Variants in CNTN4 observed in about 807,000 individuals in gnomAD.
CNTN4 encodes contactin 4, also known as contactin-4.
CNTN4 carries 77 observed loss-of-function variants against 122.5 expected under a neutral mutation model. That is an observed-to-expected ratio of 0.63 (90% CI 0.52 to 0.76). The LOEUF is 0.76. Ranked by LOEUF, CNTN4 falls within the 30% of genes least tolerant of loss-of-function variation. The probability of loss-of-function intolerance (pLI) is 0.00; values close to 1 mark genes in which losing one functional copy is unlikely to be tolerated. For synonymous variants in CNTN4, 512 were observed against 447.0 expected (o/e 1.15, Z -1.83); for missense variants, 1,256 against 1,259.1 (o/e 1.00, Z 0.04).
In CNTN4 at chr3:3,030,861, T is replaced by G. The variant is rs1409857309; in HGVS notation, c.1669T>G (p.Ser557Ala). The change falls in exon 16 of 25, where the codon TCA becomes GCA. Residue 557 changes from serine to alanine, a missense_variant. By Grantham distance (99) the Ser-to-Ala change is moderately conservative (BLOSUM62 1). Coordinates refer to ENST00000418658, the MANE Select transcript of CNTN4 (RefSeq NM_175607.3). The part of the protein sequence containing the change: ...DHFERVGGQD[S>A]AGDLMIRNIQ... ...CTTTCCCCTACTTTATCAGCAGGATTCAGCTGGTGATTTGATGATCCGAAA... is the reference window on the plus strand; with the variant it reads ...CTTTCCCCTACTTTATCAGCAGGATGCAGCTGGTGATTTGATGATCCGAAA... The G allele has an allele frequency of 6.2e-7, 1 of 1,614,026 alleles. No homozygotes were observed.
intron 3 of CNTN4, among the ~76,000 whole-genome samples, chr3:2,394,774 C>T (rs2046576081): frequency 6.8e-6 from 1 of 146,990 alleles, no homozygotes; most frequent in South Asian, 2.1e-4. Flanking sequence ...CTACAACAAA[C>T]CTTATATTAG....
chr3:2,211,690 T>A (rs1449931377), intron 2 of CNTN4, among the ~76,000 whole-genome samples: 1 of 152,148 alleles, frequency 6.6e-6, no homozygotes, highest in Non-Finnish European at 1.5e-5. Context: ...TTTTTCTTGG[T>A]TGTTAGTTTA....
At chr3:2,204,836 A>G (rs1427584248) in intron 2 of CNTN4, among the ~76,000 whole-genome samples, 1 of 152,174 alleles carries the variant, frequency 6.6e-6, no homozygotes, top group South Asian at 2.1e-4. Context: ...TAACTTATTG[A>G]GTGGATAATT....
At chr3:2,532,762 C>T (rs2077645218) in intron 3 of CNTN4, among the ~76,000 whole-genome samples, 1 of 152,134 alleles carries the variant, frequency 6.6e-6, no homozygotes, top group African/African-American at 2.4e-5. Flanking sequence ...TCTTCATACT[C>T]TTTCGTGTCA....
intron 3 of CNTN4, among the ~76,000 whole-genome samples, chr3:2,377,761 A>AT (rs2045874501): frequency 1.5e-5 from 2 of 132,492 alleles, no homozygotes; most frequent in African/African-American, 2.9e-5. Context: ...TTAAAACATG[A>AT]TTTTTTTGTG....
chr3:2,577,286 T>TG (rs751986166), intron 4 of CNTN4, among the ~76,000 whole-genome samples: 5 of 152,052 alleles, frequency 3.3e-5, no homozygotes, highest in Admixed American at 6.5e-5. Flanking sequence ...AGAAAGCAGG[T>TG]GGGAAAAAAC....
chr3:2,736,351 T>C lies in CNTN4; in HGVS notation c.182+10T>C, dbSNP rs750631515. On this transcript the variant is annotated intron_variant, in intron 5 of 24. Transcript: ENST00000418658. ...CAAAACCTCATATCAGGTTTGTTGA[T>C]GTAAAAGCATGTGTTTCCATGCATA... is the stretch of plus-strand genomic sequence containing the variant. The C allele has an allele frequency of 4.0e-5, 64 of 1,612,464 alleles. No homozygotes were observed. The highest frequency in any genetic ancestry group is 5.4e-5 in the Non-Finnish European group (64 of 1,178,950).
At position 2,294,863 on chromosome 3, in the gene CNTN4, T is replaced by C. The variant is rs1335210609; in HGVS notation, c.-144-44315T>C. ...CCACAACAGTCCCCGGTGTGTGATG[T>C]TCCCCTTCCTGTGTCCACGTGTTCT... On this transcript the variant is annotated intron_variant, in intron 2 of 24. Transcript: ENST00000418658. Among the ~76,000 whole-genome samples the C allele has an allele frequency of 4.6e-5, 7 of 151,988 alleles. No individual in the cohort carries two copies. The East Asian group carries it at 9.8e-4, about 21-fold the overall frequency.
chr3:2,955,429 TG>T (rs575110219), intron 13 of CNTN4, among the ~76,000 whole-genome samples: 258 of 152,354 alleles, frequency 1.7e-3, no homozygotes, highest in African/African-American at 6.0e-3. Flanking sequence ...ATGTTGACTC[TG>T]TTCTCAGACA....
At chr3:2,680,433 A>G (rs2085103316) in intron 4 of CNTN4, among the ~76,000 whole-genome samples, 1 of 152,196 alleles carries the variant, frequency 6.6e-6, no homozygotes, top group Admixed American at 6.5e-5. Flanking sequence ...CCTGGCTCGG[A>G]TACAGTGAGG....
chr3:2,358,861 G>C (rs569067002), intron 3 of CNTN4, among the ~76,000 whole-genome samples: 17 of 152,182 alleles, frequency 1.1e-4, no homozygotes, highest in African/African-American at 4.1e-4. Context: ...AAATACCAGA[G>C]GATGTCATGA....
chr3:2,602,820 C>T (rs191221419), intron 4 of CNTN4, among the ~76,000 whole-genome samples: 143 of 152,260 alleles, frequency 9.4e-4, no homozygotes, highest in African/African-American at 3.2e-3. Flanking sequence ...GGTTGTCTTC[C>T]TTAGCAAGTA....
At chr3:2,430,597 T>C (rs1169970498) in intron 3 of CNTN4, among the ~76,000 whole-genome samples, 1 of 140,238 alleles carries the variant, frequency 7.1e-6, no homozygotes, top group Middle Eastern at 3.4e-3. Context: ...TGTGTCAGTT[T>C]TTATTGGGAG....
chr3:2,648,438 T>A (rs1007696309), intron 4 of CNTN4, among the ~76,000 whole-genome samples: 3 of 152,196 alleles, frequency 2.0e-5, no homozygotes, highest in Non-Finnish European at 2.9e-5. Flanking sequence ...TTTGTAATTG[T>A]CACAATAGTT....
At chr3:2,285,449 A>T (rs951566477) in intron 2 of CNTN4, among the ~76,000 whole-genome samples, 1 of 152,102 alleles carries the variant, frequency 6.6e-6, no homozygotes, top group Admixed American at 6.6e-5. Context: ...ATTGCATTGG[A>T]GCATTGGGAT....
intron 3 of CNTN4, among the ~76,000 whole-genome samples, chr3:2,389,485 CT>C (rs1370331907): frequency 6.6e-6 from 1 of 152,212 alleles, no homozygotes. Context: ...AGTTCTACTA[CT>C]GATCGCCTTA....
chr3:2,339,408 C>T (rs936967728), intron 3 of CNTN4, among the ~76,000 whole-genome samples, 175 bp downstream of exon 3: 3 of 152,000 alleles, frequency 2.0e-5, no homozygotes, highest in Non-Finnish European at 2.9e-5. Flanking sequence ...AAATTAAAGC[C>T]TGAAACTAAG....
At chr3:2,253,778 A>G (rs1232677524) in intron 2 of CNTN4, among the ~76,000 whole-genome samples, 1 of 152,008 alleles carries the variant, frequency 6.6e-6, no homozygotes, top group Non-Finnish European at 1.5e-5. Context: ...AATTGCTGGT[A>G]TTACTGGCAT....
intron 2 of CNTN4, among the ~76,000 whole-genome samples, chr3:2,156,849 G>C (rs1463587728): frequency 6.6e-6 from 1 of 152,202 alleles, no homozygotes; most frequent in Non-Finnish European, 1.5e-5. Flanking sequence ...ATTACTAAGA[G>C]CTATGGATTG....
Sources: allele counts gnomAD v4.1 joint callset (sites outside exome capture counted in the v4.1 genomes callset), GRCh38; gene constraint gnomAD v4.1.1; transcripts MANE v1.5; gene names NCBI Gene and HGNC (gene_info 2026-07-23, HGNC 2026-07-21).